The following RSU1 variants were observed in gnomAD, a reference collection of about 807,000 sequenced individuals.
The protein encoded by RSU1 is rsu-1.
RSU1 carries 26 observed loss-of-function variants against 31.1 expected under a neutral mutation model. The ratio of observed to expected loss-of-function variants is 0.84; its 90% CI spans 0.61 to 1.16. The LOEUF (loss-of-function observed/expected upper bound fraction) is 1.16, where lower values mean the gene tolerates loss of function less well. Ranked by LOEUF, RSU1 falls within the 50% of genes most tolerant of loss-of-function variation. The pLI is 0.00. For synonymous variants in RSU1, 164 were observed against 136.3 expected, an observed-to-expected ratio of 1.20 and a Z score of -1.41; for missense variants, 320 against 339.1, an observed-to-expected ratio of 0.94 and a Z score of 0.44.
chr10:16,740,758 A>G (rs1191350582), intron 7 of RSU1, among the ~76,000 whole-genome samples: 4 of 152,324 alleles, frequency 2.6e-5, no homozygotes, highest in South Asian at 2.1e-4. Flanking sequence ...AAATTTAGCA[A>G]AAGTATCAAA....
At chr10:16,776,943 G>C (rs757961993) in intron 3 of RSU1, among the ~76,000 whole-genome samples, 3 of 151,180 alleles carry the variant, frequency 2.0e-5, no homozygotes, top group Non-Finnish European at 4.4e-5. Flanking sequence ...TTTTGAGATA[G>C]GGTCTTGCCC....
chr10:16,689,039 A>G (rs557144726), intron 8 of RSU1, among the ~76,000 whole-genome samples: 4 of 151,862 alleles, frequency 2.6e-5, no homozygotes, highest in Admixed American at 1.3e-4. Flanking sequence ...TTAAAGAAAA[A>G]CAGTTCTTCA....
chr10:16,813,370 T>A (rs891728192), intron 2 of RSU1, among the ~76,000 whole-genome samples: 1 of 152,210 alleles, frequency 6.6e-6, no homozygotes, highest in African/African-American at 2.4e-5. Flanking sequence ...CTGATACAAA[T>A]GCCTTACCCA....
intron 7 of RSU1, among the ~76,000 whole-genome samples, chr10:16,700,465 T>C (rs939567094): frequency 1.3e-5 from 2 of 152,158 alleles, no homozygotes; most frequent in African/African-American, 2.4e-5. Flanking sequence ...AGATCACCTC[T>C]TCTCTGCGGC....
chr10:16,682,533 C>CAT (rs1301970406), intron 8 of RSU1, among the ~76,000 whole-genome samples: 1 of 125,874 alleles, frequency 7.9e-6, no homozygotes, highest in Non-Finnish European at 1.7e-5. Context: ...TAAAATCATT[C>CAT]ATACACACAC....
intron 7 of RSU1, among the ~76,000 whole-genome samples, chr10:16,696,512 A>C (rs1213928709): frequency 6.6e-6 from 1 of 152,226 alleles, no homozygotes; most frequent in African/African-American, 2.4e-5. Context: ...CAATTTCACA[A>C]AATCTTTTTA....
intron 3 of RSU1, among the ~76,000 whole-genome samples, chr10:16,775,178 G>C (rs1397372522): frequency 6.6e-6 from 1 of 152,194 alleles, no homozygotes; most frequent in Non-Finnish European, 1.5e-5. Context: ...ATATAGGAGA[G>C]AGGGCATCAA....
At position 16,809,800 on chromosome 10, in the gene RSU1, T is replaced by C. The variant is rs564209156; in HGVS notation, c.109+7173A>G. Among the ~76,000 whole-genome samples, 8 of 151,848 alleles carry C rather than the reference T, an allele frequency of 5.3e-5. 1 individual carries two copies. In the South Asian group the frequency reaches 8.3e-4, roughly 16 times the overall value. ...ATTATTATCCATACCAATTGTAGCA[T>C]TGGTTATAATGGCAAAGCAGTGAGT... is the stretch of plus-strand genomic sequence containing the variant. On this transcript the variant is annotated intron_variant, in intron 2 of 8. Transcript: ENST00000345264.
intron 3 of RSU1, among the ~76,000 whole-genome samples, chr10:16,772,122 G>C (rs1253523406): frequency 6.6e-6 from 1 of 152,070 alleles, no homozygotes; most frequent in Admixed American, 6.5e-5. Context: ...GCAAAACAAT[G>C]GCCCTACTCT....
chr10:16,633,527 G>A (rs1273278295), intron 8 of RSU1, among the ~76,000 whole-genome samples: 1 of 152,154 alleles, frequency 6.6e-6, no homozygotes, highest in East Asian at 1.9e-4. Flanking sequence ...TGGAAGAAAG[G>A]TTATTCAGCA....
chr10:16,692,420 A>G (rs1209810716), intron 8 of RSU1, among the ~76,000 whole-genome samples: 1 of 152,242 alleles, frequency 6.6e-6, no homozygotes, highest in Non-Finnish European at 1.5e-5. Context: ...AAAGTGATCT[A>G]TGGAAAACTA....
At chr10:16,738,822 A>G (rs1033157209) in intron 7 of RSU1, among the ~76,000 whole-genome samples, 4 of 152,036 alleles carry the variant, frequency 2.6e-5, no homozygotes, top group African/African-American at 9.7e-5. Context: ...TCAGCCGCAC[A>G]TGCATTAGGT....
In RSU1 at chr10:16,769,659, G is replaced by A. The variant is rs115723059; in HGVS notation, c.161-5149C>T. Among the ~76,000 whole-genome samples, 508 of 152,344 alleles carry A rather than the reference G, an allele frequency of 3.3e-3. 1 individual carries two copies. Among genetic ancestry groups the A allele is most frequent in the Middle Eastern group, 0.017 (5 of 294 alleles). On this transcript the variant is annotated intron_variant, in intron 3 of 8. Coordinates refer to ENST00000345264, the MANE Select transcript of RSU1 (RefSeq NM_012425.4). ...CAACTTCCCAGGGGATGCCGATGTT[G>A]CTGGTCTGGGAACCCTCTTTTGGCT...
chr10:16,629,003 T>G (rs1834203800), intron 8 of RSU1, among the ~76,000 whole-genome samples: 1 of 152,188 alleles, frequency 6.6e-6, no homozygotes, highest in African/African-American at 2.4e-5. Context: ...ATTCCTCATA[T>G]ATTCCTCAAA....
At chr10:16,664,502 T>C (rs535654675) in intron 8 of RSU1, among the ~76,000 whole-genome samples, 74 of 152,328 alleles carry the variant, frequency 4.9e-4, no homozygotes, top group African/African-American at 1.6e-3. Flanking sequence ...TAAGACAACA[T>C]TGATGAATGC....
intron 8 of RSU1, among the ~76,000 whole-genome samples, chr10:16,667,367 C>G (rs754775484): frequency 6.6e-6 from 1 of 152,206 alleles, no homozygotes. Context: ...TTACTGAGTA[C>G]TAGCGAGTGA....
At chr10:16,663,633 G>A (rs915550398) in intron 8 of RSU1, among the ~76,000 whole-genome samples, 12 of 152,214 alleles carry the variant, frequency 7.9e-5, no homozygotes, top group Non-Finnish European at 1.2e-4. Flanking sequence ...GCCACTCGCC[G>A]CGCAGTACAA....
intron 3 of RSU1, among the ~76,000 whole-genome samples, chr10:16,769,563 C>T (rs1477101988): frequency 2.6e-5 from 4 of 152,172 alleles, no homozygotes; most frequent in African/African-American, 9.7e-5. Flanking sequence ...TGCTAAAACA[C>T]AGATGGAGGG....
chr10:16,715,289 C>CA (rs1393538918), intron 7 of RSU1, among the ~76,000 whole-genome samples: 2 of 152,182 alleles, frequency 1.3e-5, no homozygotes, highest in Non-Finnish European at 2.9e-5. Context: ...TTTTGATGCA[C>CA]AAAATTCTTA....
Sources: gnomAD v4.1 joint callset for allele counts (sites outside exome capture counted in the v4.1 genomes callset) on GRCh38, gnomAD v4.1.1 for gene constraint, MANE v1.5 for transcripts, NCBI Gene and HGNC (gene_info 2026-07-23, HGNC 2026-07-21) for gene names.